The following COL7A1 variants were observed in gnomAD, a reference collection of about 807,000 sequenced individuals.
COL7A1 encodes collagen type VII alpha 1 chain.
COL7A1 carries 296 observed loss-of-function variants against 456.2 expected under a neutral mutation model. That is an observed-to-expected ratio of 0.65 (90% CI 0.59 to 0.71). COL7A1 has a LOEUF of 0.71. COL7A1 is among the 30% of genes least tolerant of loss of function. The pLI is 0.00. For missense variants in COL7A1, 3,441 were observed against 4,017.2 expected, an observed-to-expected ratio of 0.86 and a Z score of 3.88; for synonymous variants, 1,464 against 1,525.9, an observed-to-expected ratio of 0.96 and a Z score of 0.95.
rs898497866 is a variant in COL7A1 at position 48,581,600 on chromosome 3, A to G, written c.4755T>C (p.Pro1585=). ...GGTCTCCAGGGTCTCCCTTGGGGCC[A>G]GGGTCTCCAGGAAGAACCAAGCCGG... The part of the protein sequence containing the change: ...GPPGLVLPGD[P]GPKGDPGDRG... Residue 1585 remains proline, a synonymous_variant, in exon 50 of 119, where the codon CCT becomes CCC. Coordinates refer to ENST00000681320, the MANE Select transcript of COL7A1 (RefSeq NM_000094.4). The surrounding 1 kb of genome is among the most constrained non-coding windows in gnomAD (Gnocchi z 5.8). 7 of 1,614,054 alleles carry G rather than the reference A, an allele frequency of 4.3e-6. No individual in the cohort carries two copies. Among genetic ancestry groups the G allele is most frequent in the Non-Finnish European group, 5.9e-6 (7 of 1,180,028 alleles).
In COL7A1 at chr3:48,589,644, C is replaced by A. The variant is rs758686564; in HGVS notation, c.2125G>T (p.Val709Phe). Reference sequence around the variant, plus strand: ...ACCCTGTATCCTGTGGCGCCAGGAACCCTGGTCCAGGTAATGGTGACAGAT... The same window carrying A: ...ACCCTGTATCCTGTGGCGCCAGGAAACCTGGTCCAGGTAATGGTGACAGAT... ...SSSVTITWTR[V>F]PGATGYRVSW... The change falls in exon 17 of 119, where the codon GTT (valine) becomes TTT (phenylalanine). Residue 709 changes from valine to phenylalanine, a missense_variant. Around this residue, in one of 3 missense-constraint regions of COL7A1, gnomAD observed 913 missense variants for 1,088.2 expected, o/e 0.84. Transcript: ENST00000681320. 1.5e-5 allele frequency: 24 copies of A among 1,613,746 alleles called. No individual in the cohort carries two copies. Among genetic ancestry groups the A allele is most frequent in the Non-Finnish European group, 1.9e-5 (23 of 1,180,002 alleles).
At position 48,571,849 on chromosome 3, in the gene COL7A1, G is replaced by T; in HGVS notation, c.7068+152C>A. 1 of 932,142 alleles carries T rather than the reference G, an allele frequency of 1.1e-6. No individual in the cohort carries two copies. Among genetic ancestry groups the T allele is most frequent in the Non-Finnish European group, 1.7e-6 (1 of 601,126 alleles). 57.7% of individuals were successfully genotyped at this position (932,142 alleles called of 1,614,324 possible). A position where few individuals can be genotyped will look rare whatever the true frequency, so the allele number is the denominator to read the frequency against. On this transcript the variant is annotated intron_variant, in intron 92 of 118. Coordinates refer to ENST00000681320, the MANE Select transcript of COL7A1 (RefSeq NM_000094.4). The surrounding 1 kb of genome is among the most constrained non-coding windows in gnomAD (Gnocchi z 4.6). ...AGAGTGTGGAAGCCGACAGTGTGTG[G>T]CTCCCTGTGATCCAGAGAGCAGGCT...
At chr3:48,595,214 G>A (rs375074111) in intron 1 of COL7A1, 54 bp from the exon 2 acceptor site, 42 of 1,478,258 alleles carry the variant, frequency 2.8e-5, no homozygotes, top group African/African-American at 1.7e-4. Flanking sequence ...TTGCTCCCCC[G>A]TGGCCTTGGC....
At position 48,591,980 on chromosome 3, in the gene COL7A1, G is replaced by T; in HGVS notation, c.1275C>A (p.Ile425=). Residue 425 remains isoleucine, a synonymous_variant, in exon 11 of 119, where the codon ATC becomes ATA. Coordinates refer to ENST00000681320, the MANE Select transcript of COL7A1 (RefSeq NM_000094.4). The surrounding 1 kb of genome is among the most constrained non-coding windows in gnomAD (Gnocchi z 7.0). ...AAAGGAGGATGGATGTGGGGCCCAG[G>T]ATGACCGGGCGCAGGGTCTGCTCAA... ...ASVEQTLRPV[I]LGPTSILLSW... The T allele has an allele frequency of 6.2e-7, 1 of 1,614,214 alleles. No homozygotes were observed. Among genetic ancestry groups the T allele is most frequent in the Non-Finnish European group, 8.5e-7 (1 of 1,180,046 alleles).
chr3:48,570,817 C>T lies in COL7A1; in HGVS notation c.7272+44G>A, dbSNP rs767108895. 6.3e-7 allele frequency: 1 copy of T among 1,577,824 alleles called. No homozygotes were observed. On this transcript the variant is annotated intron_variant, in intron 95 of 118. Coordinates refer to ENST00000681320, the MANE Select transcript of COL7A1 (RefSeq NM_000094.4). The surrounding 1 kb of genome is among the most constrained non-coding windows in gnomAD (Gnocchi z 5.5). ...CAAGGCAGGGCCCCCTCCTCACCCA[C>T]CATGGATTCACCATGCCCCTACATG...
rs1437651291 is a variant in COL7A1 at position 48,584,051 on chromosome 3, C to T, written c.4208G>A (p.Gly1403Asp). The change falls in exon 38 of 119, where the codon GGC (glycine) becomes GAC (aspartate). Residue 1403 changes from glycine (G) to aspartate (D), a missense_variant. This residue lies in a region of COL7A1 where 2,084 missense variants were observed against 2,501.3 expected (regional missense o/e 0.83). Transcript: ENST00000681320. Reference sequence around the variant, plus strand: ...CTCACTTACCCGCTCCCCACGATCGCCTTTGTCACCCTAGAAAACAGATGA... The same window carrying T: ...CTCACTTACCCGCTCCCCACGATCGTCTTTGTCACCCTAGAAAACAGATGA... Reference protein sequence around the residue: ...LPGTAMKGDKGDRGERGPPGP... With the variant: ...LPGTAMKGDKDDRGERGPPGP... 10 of 1,614,164 alleles carry T rather than the reference C, an allele frequency of 6.2e-6. No individual in the cohort carries two copies. The highest frequency in any genetic ancestry group is 8.5e-6 in the Non-Finnish European group (10 of 1,180,032).
chr3:48,575,541 T>A lies in COL7A1; in HGVS notation c.5980-2A>T. The A allele has an allele frequency of 6.2e-7, 1 of 1,612,770 alleles. No individual in the cohort carries two copies. The highest frequency in any genetic ancestry group is 8.5e-7 in the Non-Finnish European group (1 of 1,179,980). ...TTCTCCAGGAAAGCCGATGGGGCCC[T>A]GCAGGAGTGGAAGAGAGAATGCTGG... On this transcript the variant is annotated splice_acceptor_variant, in intron 73 of 118. Coordinates refer to ENST00000681320, the MANE Select transcript of COL7A1 (RefSeq NM_000094.4). LOFTEE classifies it high-confidence loss of function. This position sits in a 1 kb window ranked among gnomAD's most constrained non-coding sequence, Gnocchi z 6.3.
In COL7A1 at chr3:48,568,241, T is replaced by G; in HGVS notation, c.7795-71A>C. The G allele has an allele frequency of 6.5e-7, 1 of 1,545,724 alleles. No homozygotes were observed. Among genetic ancestry groups the G allele is most frequent in the Non-Finnish European group, 8.9e-7 (1 of 1,127,208 alleles). ...GACCAAAGAGAATCGCCCTGGATAGTGGGTAGGGAACACCATGGGGTGGGA... is the reference window on the plus strand; with the variant it reads ...GACCAAAGAGAATCGCCCTGGATAGGGGGTAGGGAACACCATGGGGTGGGA... On this transcript the variant is annotated intron_variant, in intron 105 of 118. Coordinates refer to ENST00000681320, the MANE Select transcript of COL7A1 (RefSeq NM_000094.4). The surrounding 1 kb of genome is among the most constrained non-coding windows in gnomAD (Gnocchi z 5.2).
chr3:48,595,237 A>C (rs1362076809), intron 1 of COL7A1, 31 bp downstream of exon 1: 1 of 1,243,412 alleles, frequency 8.0e-7, no homozygotes. Flanking sequence ...GTCCGAGCCC[A>C]GCGCCCCTCC....
chr3:48,589,395 T>C lies in COL7A1; in HGVS notation c.2246A>G (p.Tyr749Cys). Residue 749 changes from tyrosine (Y) to cysteine (C), a missense_variant, in exon 18 of 119, where the codon TAT becomes TGT. Physicochemically the swap from Tyr to Cys is radical, Grantham distance 194. Transcript: ENST00000681320. Reference sequence around the variant, plus strand: ...CACATGGGCCCTCACATGCACCGTATACTCAGTATCTGGCTCCAGTCCATC... The same window carrying C: ...CACATGGGCCCTCACATGCACCGTACACTCAGTATCTGGCTCCAGTCCATC... ...ELDGLEPDTE[Y>C]TVHVRAHVAG... The C allele has an allele frequency of 6.2e-7, 1 of 1,613,616 alleles. No homozygotes were observed. Among genetic ancestry groups the C allele is most frequent in the Non-Finnish European group, 8.5e-7 (1 of 1,180,010 alleles).
Position 48,569,341 on chromosome 3 carries a change from C to T in COL7A1, c.7686+34G>A, listed in dbSNP as rs772340918. The T allele has an allele frequency of 1.1e-5, 18 of 1,611,650 alleles. No individual in the cohort carries two copies. In the Admixed American group the frequency reaches 2.3e-4, roughly 21 times the overall value. ...CTGTGGAACCACCACAGCCACAGGA[C>T]CCCACAGAGAGTACACCACCCTCTT... On this transcript the variant is annotated intron_variant, in intron 103 of 118. Coordinates refer to ENST00000681320, the MANE Select transcript of COL7A1 (RefSeq NM_000094.4). The surrounding 1 kb of genome is among the most constrained non-coding windows in gnomAD (Gnocchi z 4.9).
Position 48,590,690 on chromosome 3 carries a change from A to T in COL7A1, c.1763T>A (p.Val588Asp). 2 of 1,613,998 alleles carry T rather than the reference A, an allele frequency of 1.2e-6. No individual in the cohort carries two copies. The highest frequency in any genetic ancestry group is 1.7e-6 in the Non-Finnish European group (2 of 1,180,026). ...GTACTCACCCCGGCGGACAGTGAGGACACTGGCACTGCCCTCACGGGGACC... is the reference window on the plus strand; with the variant it reads ...GTACTCACCCCGGCGGACAGTGAGGTCACTGGCACTGCCCTCACGGGGACC... ...RVGPREGSAS[V>D]LTVRREPETP... The change falls in exon 14 of 119, where the codon GTC (valine) becomes GAC (aspartate). Residue 588 changes from valine to aspartate, a missense_variant. Physicochemically the swap from Val to Asp is radical, Grantham distance 152. Transcript: ENST00000681320. This position sits in a 1 kb window ranked among gnomAD's most constrained non-coding sequence, Gnocchi z 4.6.
At position 48,573,305 on chromosome 3, in the gene COL7A1, A is replaced by G. The variant is rs1216411404; in HGVS notation, c.6651+11T>C. ...TCCCTATGACCCTAACCTGTGAGCT[A>G]GGCCACTCACCCGTCCTGGAGGTCC... On this transcript the variant is annotated intron_variant, in intron 84 of 118. Transcript: ENST00000681320. This position sits in a 1 kb window ranked among gnomAD's most constrained non-coding sequence, Gnocchi z 5.5. 6.2e-7 allele frequency: 1 copy of G among 1,613,964 alleles called. No homozygotes were observed. The highest frequency in any genetic ancestry group is 8.5e-7 in the Non-Finnish European group (1 of 1,180,008).
Position 48,572,592 on chromosome 3 carries a change from C to T in COL7A1, c.6901-54G>A. ...TCCTCCCCCGCCCCCACCCTGCCACCCCCATGGCATTTGGAAACAGGCTTG... is the reference window on the plus strand; with the variant it reads ...TCCTCCCCCGCCCCCACCCTGCCACTCCCATGGCATTTGGAAACAGGCTTG... On this transcript the variant is annotated intron_variant, in intron 88 of 118. Transcript: ENST00000681320. This position sits in a 1 kb window ranked among gnomAD's most constrained non-coding sequence, Gnocchi z 4.6. The T allele has an allele frequency of 2.5e-6, 4 of 1,607,746 alleles. No individual in the cohort carries two copies. In the South Asian group the frequency reaches 4.4e-5, roughly 18 times the overall value.
chr3:48,593,093 G>C lies in COL7A1; in HGVS notation c.682+9C>G. ...TAGGTCAGGGTACACCGTGTGGGCA[G>C]GAACTCACGAGGTCGGGTCACAGGC... On this transcript the variant is annotated intron_variant, in intron 6 of 118. Coordinates refer to ENST00000681320, the MANE Select transcript of COL7A1 (RefSeq NM_000094.4). This position sits in a 1 kb window ranked among gnomAD's most constrained non-coding sequence, Gnocchi z 4.4. 6.2e-7 allele frequency: 1 copy of C among 1,614,152 alleles called. No homozygotes were observed. Among genetic ancestry groups the C allele is most frequent in the Non-Finnish European group, 8.5e-7 (1 of 1,180,030 alleles).
Position 48,588,641 on chromosome 3 carries a change from C to T in COL7A1, c.2587+1G>A, listed in dbSNP as rs1294265690. 5.6e-6 allele frequency: 9 copies of T among 1,613,862 alleles called. No individual in the cohort carries two copies. The highest frequency in any genetic ancestry group is 1.3e-5 in the African/African-American group (1 of 75,070). On this transcript the variant is annotated splice_donor_variant, in intron 20 of 118. Coordinates refer to ENST00000681320, the MANE Select transcript of COL7A1 (RefSeq NM_000094.4). LOFTEE classifies it high-confidence loss of function. The surrounding 1 kb of genome is among the most constrained non-coding windows in gnomAD (Gnocchi z 4.6). ...AGCTCTCCAGCGCATGCTCTGCCTA[C>T]GCGTAGTGACAACAATGGAGACAGG...
At position 48,574,984 on chromosome 3, in the gene COL7A1, C is replaced by T; in HGVS notation, c.6279+80G>A. ...AGAAATTCCAGGGTTATGGCACACA[C>T]TACCATATTTCTGGGGACCAAGCTA... On this transcript the variant is annotated intron_variant, in intron 76 of 118. Transcript: ENST00000681320. This position sits in a 1 kb window ranked among gnomAD's most constrained non-coding sequence, Gnocchi z 5.0. 1.3e-6 allele frequency: 2 copies of T among 1,566,722 alleles called. No individual in the cohort carries two copies. Among genetic ancestry groups the T allele is most frequent in the Non-Finnish European group, 1.8e-6 (2 of 1,138,774 alleles).
rs1431007765 is a variant in COL7A1, at chr3:48,585,529, G to A, written c.3894+28C>T. 2 of 1,612,070 alleles carry A rather than the reference G, an allele frequency of 1.2e-6. No homozygotes were observed. The highest frequency in any genetic ancestry group is 2.7e-5 in the African/African-American group (2 of 74,880). On this transcript the variant is annotated intron_variant, in intron 32 of 118. Coordinates refer to ENST00000681320, the MANE Select transcript of COL7A1 (RefSeq NM_000094.4). The surrounding 1 kb of genome is among the most constrained non-coding windows in gnomAD (Gnocchi z 4.5). ...CGAGACAGCTTTGAGGAGTGCCTCA[G>A]AGAAACCTCGATGGTCTCCACACTC... is the stretch of plus-strand genomic sequence containing the variant.
Position 48,575,208 on chromosome 3 carries a change from T to G in COL7A1, c.6215A>C (p.Gln2072Pro). Residue 2072 changes from glutamine (Q) to proline (P), a missense_variant and splice_region_variant, in exon 75 of 119, where the codon CAG becomes CCG. Physicochemically the swap from Gln to Pro is moderately conservative, Grantham distance 76. This residue lies in a region of COL7A1 where 2,084 missense variants were observed against 2,501.3 expected (regional missense o/e 0.83). Transcript: ENST00000681320. This position sits in a 1 kb window ranked among gnomAD's most constrained non-coding sequence, Gnocchi z 6.3. ...CCCACGAAGCCCATCGCAGCCCACC[T>G]GTTCTCCACGTTCTCCTTTCTCTCC... ...ERGEKGERGE[Q>P]GRDGPPGLPG... The G allele has an allele frequency of 6.2e-7, 1 of 1,613,990 alleles. No homozygotes were observed. Among genetic ancestry groups the G allele is most frequent in the Non-Finnish European group, 8.5e-7 (1 of 1,179,968 alleles).
Sources: gnomAD v4.1 joint callset for allele counts on GRCh38, gnomAD v4.1.1 for gene constraint, gnomAD v4.1.1 regional missense constraint, Gnocchi (gnomAD v3.1) non-coding constraint, MANE v1.5 for transcripts, NCBI Gene and HGNC (gene_info 2026-07-23, HGNC 2026-07-21) for gene names.